CHD4: variants seen among roughly 807,000 people sequenced by gnomAD.
CHD4 encodes ATP-dependent chromatin remodeler CHD4.
Under a neutral mutation model 235.5 loss-of-function variants are expected in CHD4, and 35 were observed. The ratio of observed to expected loss-of-function variants is 0.15; its 90% CI spans 0.11 to 0.20. CHD4 has a LOEUF of 0.20. CHD4 is among the 10% of genes least tolerant of loss of function. CHD4 has a pLI of 1.00. For missense variants in CHD4, 1,329 were observed against 2,432.3 expected, an observed-to-expected ratio of 0.55 and a Z score of 9.54; for synonymous variants, 900 against 850.2, an observed-to-expected ratio of 1.06 and a Z score of -1.02.
chr12:6,592,157 T>C (rs935417571), intron 19 of CHD4, 100 bp from the exon 20 acceptor site: 6 of 1,468,520 alleles, frequency 4.1e-6, no homozygotes, highest in Non-Finnish European at 4.7e-6. Context: ...CACATCCCAC[T>C]TTGGAACTAA....
In CHD4 at chr12:6,582,146, A is replaced by G. The variant is rs772026127; in HGVS notation, c.4506T>C (p.Ile1502=). Residue 1502 remains isoleucine (I), a synonymous_variant, in exon 30 of 40, where the codon ATT becomes ATC. Transcript: ENST00000544040. ...GAGGCTCAGGGCTCACCTTCTTGCG[A>G]ATCAAAGACATAACACCAATTCTAG... ...VLTRIGVMSL[I]RKKVQEFEHV... 1.3e-6 allele frequency: 2 copies of G among 1,573,298 alleles called. No homozygotes were observed. The highest frequency in any genetic ancestry group is 2.8e-5 in the African/African-American group (2 of 72,484).
chr12:6,591,386 A>G, intron 22 of CHD4, 80 bp downstream of exon 22: 1 of 1,086,802 alleles, frequency 9.2e-7, no homozygotes, highest in Non-Finnish European at 1.4e-6. Flanking sequence ...CTACACAGAA[A>G]AGGAGATGCA....
rs762312908 is a variant in CHD4 at position 6,602,020 on chromosome 12, C to T, written c.378G>A (p.Lys126=). Residue 126 remains lysine (K), a synonymous_variant, in exon 4 of 40, where the codon AAG becomes AAA. Transcript: ENST00000544040. ...CCTCCTTCCGCTTGGATTTGCTCTT[C>T]TTCTCTTTCTTAGGTCCAAGCTTCT... is the stretch of plus-strand genomic sequence containing the variant. ...KKKKLGPKKE[K]KSKSKRKEEE... is the part of the protein sequence containing the mutation. 1.2e-6 allele frequency: 2 copies of T among 1,612,228 alleles called. No individual in the cohort carries two copies. Among genetic ancestry groups the T allele is most frequent in the South Asian group, 1.1e-5 (1 of 91,072 alleles).
rs762516346 is a variant in CHD4, at chr12:6,601,911, A to G, written c.438+49T>C. 1.7e-5 allele frequency: 27 copies of G among 1,601,322 alleles called. No individual in the cohort carries two copies. In the East Asian group the frequency reaches 3.8e-4, roughly 23 times the overall value. ...AGGGCAGTAAGGTGTCTAGGAAACA[A>G]AAAGACAAAAGTTTAACAGTACAAA... On this transcript the variant is annotated intron_variant, in intron 4 of 39. Coordinates refer to ENST00000544040, the MANE Select transcript of CHD4 (RefSeq NM_001273.5).
chr12:6,570,540 T>C lies in CHD4; in HGVS notation c.*136A>G. The C allele has an allele frequency of 1.9e-6, 2 of 1,066,612 alleles. No individual in the cohort carries two copies. The highest frequency in any genetic ancestry group is 2.8e-6 in the Non-Finnish European group (2 of 713,662). 66.1% of individuals were successfully genotyped at this position (1,066,612 alleles called of 1,614,324 possible). ...CACTCCCTCCCCTCCCCCAGTGCAC[T>C]GGGGCTGTTCCTTTACAACATGGAA... On this transcript the variant is annotated 3_prime_UTR_variant, in exon 40 of 40. Coordinates refer to ENST00000544040, the MANE Select transcript of CHD4 (RefSeq NM_001273.5).
Position 6,598,558 on chromosome 12 carries a change from C to G in CHD4, c.1483-133G>C, listed in dbSNP as rs149838772. On this transcript the variant is annotated intron_variant, in intron 10 of 39. Transcript: ENST00000544040. ...TGGAGCAGTGGCTCATGCCTGAAAT[C>G]CCAGCACCTTGGGAGGCCGAGGCGG... is the stretch of plus-strand genomic sequence containing the variant. The G allele has an allele frequency of 6.0e-3, 4,466 of 749,584 alleles. 89 individuals carry two copies. Among genetic ancestry groups the G allele is most frequent in the African/African-American group, 0.036 (2,070 of 57,040 alleles). The allele number at this position is 749,584 out of a possible 1,614,324, so 46.4% of individuals were successfully genotyped here.
intron 12 of CHD4, among the ~76,000 whole-genome samples, chr12:6,597,546 C>G (rs1948521041): frequency 6.6e-6 from 1 of 152,096 alleles, no homozygotes; most frequent in African/African-American, 2.4e-5. Context: ...GGCAGATCAC[C>G]TGAGGTCAGG....
chr12:6,573,980 G>A (rs542984134), intron 37 of CHD4, among the ~76,000 whole-genome samples: 3 of 151,944 alleles, frequency 2.0e-5, no homozygotes, highest in African/African-American at 4.8e-5. Flanking sequence ...CCAGGATCGC[G>A]CCACTACACT....
intron 12 of CHD4, among the ~76,000 whole-genome samples, chr12:6,597,130 GC>G (rs1449768314): frequency 6.7e-6 from 1 of 148,400 alleles, no homozygotes; most frequent in Non-Finnish European, 1.5e-5. Flanking sequence ...AAAAAAATTA[GC>G]CAGGCATGGT....
chr12:6,604,740 G>T (rs1948660811), intron 2 of CHD4, among the ~76,000 whole-genome samples: 1 of 152,134 alleles, frequency 6.6e-6, no homozygotes, highest in African/African-American at 2.4e-5. Context: ...ATATAGAGAA[G>T]ATTTAGGAAA....
At chr12:6,597,814 C>T in intron 12 of CHD4, 80 bp downstream of exon 12, 2 of 1,255,254 alleles carry the variant, frequency 1.6e-6, no homozygotes, top group Non-Finnish European at 2.3e-6. Flanking sequence ...GTCTAAGTTA[C>T]TGGTGACAGC....
intron 38 of CHD4, 180 bp downstream of exon 38, chr12:6,572,894 A>T: frequency 1.8e-6 from 1 of 556,720 alleles, no homozygotes; most frequent in Non-Finnish European, 3.0e-6. Context: ...AAAAAGGCAA[A>T]GAACTACTGT....
chr12:6,576,652 C>A (rs1277936663), intron 37 of CHD4, among the ~76,000 whole-genome samples: 2 of 152,022 alleles, frequency 1.3e-5, no homozygotes, highest in African/African-American at 4.8e-5. Context: ...TGTCGCCAGA[C>A]TGGAGTGCAG....
intron 37 of CHD4, among the ~76,000 whole-genome samples, chr12:6,574,934 AT>A (rs1948042492): frequency 6.6e-6 from 1 of 152,206 alleles, no homozygotes; most frequent in Non-Finnish European, 1.5e-5. Flanking sequence ...TGGGTTTTAC[AT>A]TTTAAAATGG....
intron 35 of CHD4, 35 bp from the exon 36 acceptor site, chr12:6,578,172 G>A (rs1267252381): frequency 3.9e-6 from 6 of 1,550,588 alleles, no homozygotes; most frequent in Non-Finnish European, 5.3e-6. Context: ...GGGGGTGGGG[G>A]GAAGCAAACA....
Position 6,576,938 on chromosome 12 carries a change from C to T in CHD4, c.5361+847G>A, listed in dbSNP as rs541662135. Among the ~76,000 whole-genome samples, 111 of 142,770 alleles carry T rather than the reference C, an allele frequency of 7.8e-4. 2 individuals carry two copies. In the South Asian group the frequency reaches 0.022, roughly 28 times the overall value. 93.7% of individuals were successfully genotyped at this position (142,770 alleles called of 152,430 possible). A position where few individuals can be genotyped will look rare whatever the true frequency, so the allele number is the denominator to read the frequency against. ...TACTCAGCGTACGAGACAACAGACA[C>T]GTCTTTTTTTTTTTTTGAGACAGAG... On this transcript the variant is annotated intron_variant, in intron 37 of 39. Transcript: ENST00000544040.
chr12:6,577,982 C>CA, intron 36 of CHD4, 47 bp downstream of exon 36: 1 of 1,611,672 alleles, frequency 6.2e-7, no homozygotes, highest in Non-Finnish European at 8.5e-7. Flanking sequence ...AAAAGACCTT[C>CA]AGAACCTTTC....
In CHD4 at chr12:6,593,731, T is replaced by A. The variant is rs751565482; in HGVS notation, c.2314-115A>T. 9 of 853,328 alleles carry A rather than the reference T, an allele frequency of 1.1e-5. No individual in the cohort carries two copies. The highest frequency in any genetic ancestry group is 1.5e-5 in the Non-Finnish European group (8 of 544,256). 52.9% of individuals were successfully genotyped at this position (853,328 alleles called of 1,614,324 possible). On this transcript the variant is annotated intron_variant, in intron 15 of 39. Transcript: ENST00000544040. This position sits in a 1 kb window ranked among gnomAD's most constrained non-coding sequence, Gnocchi z 4.9. Reference sequence around the variant, plus strand: ...GAGCCAAGGACTGACACACCTGCGCTGCTGCTCCTGCTCTCACCTTCCTCT... The same window carrying A: ...GAGCCAAGGACTGACACACCTGCGCAGCTGCTCCTGCTCTCACCTTCCTCT...
At chr12:6,600,854 G>T (rs1018974099) in intron 7 of CHD4, 72 bp downstream of exon 7, 1 of 1,524,668 alleles carries the variant, frequency 6.6e-7, no homozygotes, top group Non-Finnish European at 8.8e-7. Flanking sequence ...ATGAAGGACA[G>T]GTTCTGATAG....
Sources: allele counts gnomAD v4.1 joint callset (sites outside exome capture counted in the v4.1 genomes callset), GRCh38; gene constraint gnomAD v4.1.1; non-coding constraint Gnocchi (gnomAD v3.1); transcripts MANE v1.5; gene names NCBI Gene and HGNC (gene_info 2026-07-23, HGNC 2026-07-21).